Variants in ADAMTSL3 observed in about 807,000 individuals in gnomAD.
ADAMTSL3 encodes ADAMTS-like protein 3.
In ADAMTSL3, 128 loss-of-function variants were observed where a neutral mutation model predicts 201.7. That is an observed-to-expected ratio of 0.63 (90% CI 0.55 to 0.73). The LOEUF is 0.73. Ranked by LOEUF, ADAMTSL3 falls within the 30% of genes least tolerant of loss-of-function variation. The probability of loss-of-function intolerance (pLI) is 0.00; values close to 1 mark genes in which losing one functional copy is unlikely to be tolerated. For synonymous variants in ADAMTSL3, 738 were observed against 748.4 expected, an observed-to-expected ratio of 0.99 and a Z score of 0.23; for missense variants, 1,990 against 2,119.6, an observed-to-expected ratio of 0.94 and a Z score of 1.20.
At chr15:83,775,198 T>G (rs540909647) in intron 4 of ADAMTSL3, among the ~76,000 whole-genome samples, 2 of 152,104 alleles carry the variant, frequency 1.3e-5, no homozygotes, top group East Asian at 3.9e-4. Context: ...GCCAGCCACA[T>G]GGGGGAGAAG....
intron 23 of ADAMTSL3, 106 bp from the exon 24 acceptor site, chr15:84,014,436 C>T (rs890986171): frequency 1.4e-5 from 14 of 1,021,020 alleles, no homozygotes; most frequent in Non-Finnish European, 1.9e-5. Flanking sequence ...TATGATTAAA[C>T]CCATATGCTG....
At chr15:84,035,854 G>T (rs2068494813) in intron 28 of ADAMTSL3, among the ~76,000 whole-genome samples, 1 of 152,100 alleles carries the variant, frequency 6.6e-6, no homozygotes, top group Non-Finnish European at 1.5e-5. Flanking sequence ...CTGCAGTTCT[G>T]TGTGTTTCTG....
At chr15:83,661,467 G>A (rs2061162973) in intron 2 of ADAMTSL3, among the ~76,000 whole-genome samples, 2 of 151,936 alleles carry the variant, frequency 1.3e-5, no homozygotes. Flanking sequence ...TTGAGCAGAG[G>A]TTTGTAGTTC....
intron 19 of ADAMTSL3, chr15:83,961,855 AATTAT>A (rs1178900717): frequency 6.6e-6 from 1 of 152,266 alleles, no homozygotes; most frequent in Non-Finnish European, 1.5e-5. Flanking sequence ...ATCAACTAAC[AATTAT>A]ATTATAGAAC....
At chr15:83,700,294 C>T (rs1369285892) in intron 2 of ADAMTSL3, among the ~76,000 whole-genome samples, 1 of 152,246 alleles carries the variant, frequency 6.6e-6, no homozygotes, top group Admixed American at 6.5e-5. Context: ...TCCTCAAACT[C>T]ACTGACCTCC....
At chr15:83,975,047 G>A (rs1324442607) in intron 20 of ADAMTSL3, among the ~76,000 whole-genome samples, 1 of 142,448 alleles carries the variant, frequency 7.0e-6, no homozygotes. Flanking sequence ...TCTCGCCTAG[G>A]CTGGAGTGCA....
At chr15:83,890,334 A>C in intron 11 of ADAMTSL3, 87 bp downstream of exon 11, 1 of 1,489,916 alleles carries the variant, frequency 6.7e-7, no homozygotes, top group South Asian at 1.4e-5. Flanking sequence ...AGGGCAATAC[A>C]TTTCCATTTC....
intron 6 of ADAMTSL3, among the ~76,000 whole-genome samples, chr15:83,833,545 G>T (rs2064200163): frequency 6.6e-6 from 1 of 152,178 alleles, no homozygotes; most frequent in African/African-American, 2.4e-5. Flanking sequence ...ATAGCACATA[G>T]CTAGGAAGTG....
chr15:83,914,410 T>C (rs2065991110), intron 16 of ADAMTSL3, among the ~76,000 whole-genome samples: 1 of 152,204 alleles, frequency 6.6e-6, no homozygotes, highest in Non-Finnish European at 1.5e-5. Flanking sequence ...TATGGCTTGA[T>C]TGTATCTGTT....
intron 9 of ADAMTSL3, among the ~76,000 whole-genome samples, chr15:83,880,256 T>G (rs1267750731): frequency 2.0e-5 from 3 of 152,172 alleles, no homozygotes; most frequent in Non-Finnish European, 4.4e-5. Context: ...TATGTAATTA[T>G]ACCTTTACCT....
intron 15 of ADAMTSL3, among the ~76,000 whole-genome samples, chr15:83,904,676 G>C (rs1352777643): frequency 1.3e-5 from 2 of 152,358 alleles, no homozygotes; most frequent in Admixed American, 1.3e-4. Flanking sequence ...GTTGACAGTT[G>C]ATATGGTTCA....
chr15:83,931,852 G>T (rs897842843), intron 17 of ADAMTSL3, among the ~76,000 whole-genome samples: 1 of 152,160 alleles, frequency 6.6e-6, no homozygotes, highest in African/African-American at 2.4e-5. Context: ...AAGAAAAATA[G>T]TTGATGATTT....
At chr15:83,744,311 A>AT (rs1419453676) in intron 3 of ADAMTSL3, among the ~76,000 whole-genome samples, 1 of 152,090 alleles carries the variant, frequency 6.6e-6, no homozygotes, top group Non-Finnish European at 1.5e-5. Flanking sequence ...ACCAAAAAAT[A>AT]TTTTTTTCTA....
chr15:83,810,069 C>T (rs1466953251), intron 5 of ADAMTSL3, among the ~76,000 whole-genome samples: 1 of 152,196 alleles, frequency 6.6e-6, no homozygotes, highest in Non-Finnish European at 1.5e-5. Flanking sequence ...ACATTTCTAT[C>T]TGTATCTCTC....
chr15:83,684,278 A>G (rs2061510539), intron 2 of ADAMTSL3, among the ~76,000 whole-genome samples: 1 of 152,218 alleles, frequency 6.6e-6, no homozygotes, highest in Non-Finnish European at 1.5e-5. Context: ...AACCCTAGCC[A>G]CATTTTCCTT....
chr15:83,812,411 T>G (rs1056876662), intron 5 of ADAMTSL3, among the ~76,000 whole-genome samples: 1 of 152,180 alleles, frequency 6.6e-6, no homozygotes, highest in Non-Finnish European at 1.5e-5. Context: ...GGAAGTTGCC[T>G]TTAGTGATTC....
Position 83,819,859 on chromosome 15 carries a change from T to C in ADAMTSL3, c.412T>C (p.Tyr138His). ...TTTCAGAGCCCAGCAGTGCTCAGCC[T>C]ACAATGATGTCCAGTATCAGGGGCA... ...EDFRAQQCSAYNDVQYQGHYY... is the reference protein window; with the variant it reads ...EDFRAQQCSAHNDVQYQGHYY... Residue 138 changes from tyrosine (Y) to histidine (H), a missense_variant, in exon 6 of 30, where the codon TAC (tyrosine) becomes CAC (histidine). Transcript: ENST00000286744. The C allele has an allele frequency of 6.2e-7, 1 of 1,614,090 alleles. No homozygotes were observed. The highest frequency in any genetic ancestry group is 8.5e-7 in the Non-Finnish European group (1 of 1,180,022).
chr15:83,779,916 GA>G (rs1038560032), intron 4 of ADAMTSL3, among the ~76,000 whole-genome samples: 1 of 152,076 alleles, frequency 6.6e-6, no homozygotes, highest in Non-Finnish European at 1.5e-5. Flanking sequence ...GAATTTCTGG[GA>G]CACAGCTAAG....
chr15:84,014,583 T>A lies in ADAMTSL3; in HGVS notation c.4015T>A (p.Ser1339Thr), dbSNP rs779431286. Residue 1339 changes from serine to threonine, a missense_variant, in exon 24 of 30, where the codon TCT (serine) becomes ACT (threonine). Physicochemically the swap from Ser to Thr is moderately conservative, Grantham distance 58 (BLOSUM62 1). Transcript: ENST00000286744. Reference protein sequence around the residue: ...PNITWLKRGGSLSGNVSLLFN... With the variant: ...PNITWLKRGGTLSGNVSLLFN... ...TATAACTTGGTTGAAGAGAGGAGGA[T>A]CTCTGAGTGGCAATGTTTCCTTGCT... 11 of 1,613,992 alleles carry A rather than the reference T, an allele frequency of 6.8e-6. No homozygotes were observed. The highest frequency in any genetic ancestry group is 8.5e-6 in the Non-Finnish European group (10 of 1,180,010).
Sources: gnomAD v4.1 joint callset for allele counts (sites outside exome capture counted in the v4.1 genomes callset) on GRCh38, gnomAD v4.1.1 for gene constraint, MANE v1.5 for transcripts, NCBI Gene and HGNC (gene_info 2026-07-23, HGNC 2026-07-21) for gene names.